The following RGS9 variants were observed in gnomAD, a reference collection of about 807,000 sequenced individuals.
RGS9 encodes the protein regulator of G protein signaling 9.
In RGS9, 78 loss-of-function variants were observed where a neutral mutation model predicts 102.0. The ratio of observed to expected loss-of-function variants is 0.76; its 90% CI spans 0.64 to 0.92. RGS9 has a LOEUF of 0.92. Ranked by LOEUF, RGS9 falls within the 40% of genes least tolerant of loss-of-function variation. The pLI, the probability that RGS9 is intolerant of heterozygous loss-of-function variation, is 0.00. For synonymous variants in RGS9, 353 were observed against 318.6 expected, an observed-to-expected ratio of 1.11 and a Z score of -1.15; for missense variants, 833 against 866.1, an observed-to-expected ratio of 0.96 and a Z score of 0.48.
intron 15 of RGS9, among the ~76,000 whole-genome samples, chr17:65,206,125 G>A (rs1913055705): frequency 6.6e-6 from 1 of 152,108 alleles, no homozygotes; most frequent in Admixed American, 6.5e-5. Context: ...ATGCTGATTA[G>A]CTTTCCTGAT....
chr17:65,216,772 TA>T (rs1366464503), intron 17 of RGS9, among the ~76,000 whole-genome samples: 112 of 152,342 alleles, frequency 7.4e-4, no homozygotes, highest in African/African-American at 2.5e-3. Context: ...CAGAACTGAA[TA>T]AGATCATCAA....
intron 6 of RGS9, among the ~76,000 whole-genome samples, chr17:65,161,517 G>T (rs529706778): frequency 6.6e-6 from 1 of 152,114 alleles, no homozygotes; most frequent in Non-Finnish European, 1.5e-5. Flanking sequence ...CTCTCAAAGT[G>T]CTGGGATTAC....
At chr17:65,142,574 CT>C (rs745663576) in intron 1 of RGS9, among the ~76,000 whole-genome samples, 2,271 of 137,706 alleles carry the variant, frequency 0.016, 35 homozygotes, top group African/African-American at 0.046. Flanking sequence ...CCCTTCCTTT[CT>C]TTTTTTTTTT....
At chr17:65,213,489 C>T (rs1480879526) in intron 17 of RGS9, among the ~76,000 whole-genome samples, 1 of 152,012 alleles carries the variant, frequency 6.6e-6, no homozygotes. Flanking sequence ...ATGACATACC[C>T]AGCAGCCTGG....
At chr17:65,217,161 T>G (rs1221926922) in intron 17 of RGS9, among the ~76,000 whole-genome samples, 1 of 152,138 alleles carries the variant, frequency 6.6e-6, no homozygotes, top group Non-Finnish European at 1.5e-5. Flanking sequence ...GCCTACTGGA[T>G]AGTCCCTGGG....
In RGS9 at chr17:65,227,608, A is replaced by G. The variant is rs1905758927; in HGVS notation, c.*201A>G. 4 of 675,394 alleles carry G rather than the reference A, an allele frequency of 5.9e-6. No individual in the cohort carries two copies. The Admixed American group carries it at 9.5e-5, about 16-fold the overall frequency. The allele number at this position is 675,394 out of a possible 1,614,324, so 41.8% of individuals were successfully genotyped here. ...GGGCCAACTCCTTCTCCTCTTCCTG[A>G]CCCTCCCTCCCCTGGGCAGAAGAAA... is the stretch of plus-strand genomic sequence containing the variant. On this transcript the variant is annotated 3_prime_UTR_variant, in exon 19 of 19. Transcript: ENST00000262406.
intron 15 of RGS9, among the ~76,000 whole-genome samples, chr17:65,204,755 C>T (rs188475086): frequency 6.6e-6 from 1 of 152,238 alleles, no homozygotes; most frequent in Admixed American, 6.5e-5. Context: ...ATAATAACAG[C>T]CATCATTCGT....
intron 1 of RGS9, among the ~76,000 whole-genome samples, chr17:65,146,679 G>A (rs567974018): frequency 1.3e-5 from 2 of 151,876 alleles, no homozygotes; most frequent in African/African-American, 4.8e-5. Flanking sequence ...CAGATCACTT[G>A]AGGTCAGGAG....
At chr17:65,203,338 A>G (rs1166951666) in intron 14 of RGS9, among the ~76,000 whole-genome samples, 1 of 152,134 alleles carries the variant, frequency 6.6e-6, no homozygotes, top group East Asian at 1.9e-4. Context: ...CATCCTTTGC[A>G]GTACAATGGG....
Position 65,168,246 on chromosome 17 carries a change from C to T in RGS9, c.547C>T (p.Gln183Ter). Residue 183 changes from glutamine (Q) to a stop codon, truncating the protein, a stop_gained, in exon 8 of 19, where the codon CAG (glutamine) becomes TAG (stop). Coordinates refer to ENST00000262406, the MANE Select transcript of RGS9 (RefSeq NM_003835.4). LOFTEE classifies it high-confidence loss of function. ...AGCAGACAGATATGCCCTGGACTGC[C>T]AGGAGAAGGCATACTGGCTGGTGCA... Reference protein sequence around the residue: ...NKADRYALDCQEKAYWLVHRC... With the variant: ...NKADRYALDC 2 of 1,611,512 alleles carry T rather than the reference C, an allele frequency of 1.2e-6. No individual in the cohort carries two copies. The highest frequency in any genetic ancestry group is 1.7e-6 in the Non-Finnish European group (2 of 1,178,992).
intron 6 of RGS9, among the ~76,000 whole-genome samples, chr17:65,162,466 A>T (rs1309909778): frequency 2.0e-5 from 3 of 151,768 alleles, no homozygotes; most frequent in Non-Finnish European, 4.4e-5. Flanking sequence ...TTATTTATTT[A>T]TTTTTTATTT....
chr17:65,178,566 T>C (rs566089654), intron 9 of RGS9, among the ~76,000 whole-genome samples: 1 of 152,218 alleles, frequency 6.6e-6, no homozygotes, highest in Admixed American at 6.5e-5. Context: ...TGCAGTGGCA[T>C]GCTCATAGCT....
At chr17:65,161,477 T>C (rs1260413662) in intron 6 of RGS9, among the ~76,000 whole-genome samples, 1 of 152,006 alleles carries the variant, frequency 6.6e-6, no homozygotes, top group Admixed American at 6.6e-5. Flanking sequence ...GTCTCGAACT[T>C]CTGACCTCAA....
chr17:65,166,239 C>T (rs1413223801), intron 7 of RGS9, among the ~76,000 whole-genome samples: 1 of 152,168 alleles, frequency 6.6e-6, no homozygotes. Context: ...TTGGTAGAAA[C>T]CATCACAAAA....
chr17:65,207,121 C>T lies in RGS9; in HGVS notation c.1204-801C>T, dbSNP rs573932406. On this transcript the variant is annotated intron_variant, in intron 15 of 18. Coordinates refer to ENST00000262406, the MANE Select transcript of RGS9 (RefSeq NM_003835.4). ...AACAGCCCCATAACTGGACTCTACG[C>T]GTTGGTTGTTTTTGTTTTTGCTTTG... Among the ~76,000 whole-genome samples, 772 of 152,250 alleles carry T rather than the reference C, an allele frequency of 5.1e-3. 7 individuals carry two copies. Among genetic ancestry groups the T allele is most frequent in the African/African-American group, 0.017 (706 of 41,526 alleles).
At chr17:65,194,099 T>C (rs2144073506) in intron 12 of RGS9, among the ~76,000 whole-genome samples, 1 of 152,362 alleles carries the variant, frequency 6.6e-6, no homozygotes, top group South Asian at 2.1e-4. Context: ...AGTTGACCTG[T>C]GTATTGATTT....
chr17:65,161,700 TTATTTATA>T (rs1305656499), intron 6 of RGS9, among the ~76,000 whole-genome samples: 14 of 136,176 alleles, frequency 1.0e-4, no homozygotes, highest in African/African-American at 4.3e-4. Flanking sequence ...GTTTTTATTT[TTATTTATA>T]TATTTATTTA....
intron 2 of RGS9, among the ~76,000 whole-genome samples, chr17:65,157,575 T>C (rs2143985998): frequency 6.6e-6 from 1 of 152,094 alleles, no homozygotes; most frequent in South Asian, 2.1e-4. Flanking sequence ...CATTTTTTCA[T>C]GTTTTTTTGT....
intron 12 of RGS9, among the ~76,000 whole-genome samples, chr17:65,193,881 T>G (rs1912477792): frequency 6.6e-6 from 1 of 152,244 alleles, no homozygotes. Context: ...TTTGTCTGTC[T>G]GGACATTTCC....
Sources: gnomAD v4.1 joint callset for allele counts (sites outside exome capture counted in the v4.1 genomes callset) on GRCh38, gnomAD v4.1.1 for gene constraint, MANE v1.5 for transcripts, NCBI Gene and HGNC (gene_info 2026-07-23, HGNC 2026-07-21) for gene names.